The following GTF3C1 variants were observed in gnomAD, a reference collection of about 807,000 sequenced individuals.
The protein encoded by GTF3C1 is general transcription factor IIIC subunit 1.
A neutral mutation model predicts 226.7 loss-of-function variants in GTF3C1; 57 were observed. That is an observed-to-expected ratio of 0.25 (90% CI 0.20 to 0.31). GTF3C1 has a LOEUF of 0.31. Ranked by LOEUF, GTF3C1 falls within the 10% of genes least tolerant of loss-of-function variation. The pLI, the probability that GTF3C1 is intolerant of heterozygous loss-of-function variation, is 1.00. For missense variants in GTF3C1, 2,217 were observed against 2,776.1 expected (o/e 0.80, Z 4.53); for synonymous variants, 1,090 against 1,084.8 (o/e 1.00, Z -0.09).
chr16:27,465,162 T>C, intron 33 of GTF3C1, 98 bp downstream of exon 33: 6 of 1,099,578 alleles, frequency 5.5e-6, no homozygotes, highest in South Asian at 4.1e-5. Context: ...GAACGCAGCA[T>C]GCTATGCCCC....
intron 6 of GTF3C1, 102 bp downstream of exon 6, chr16:27,528,496 T>C: frequency 4.5e-6 from 4 of 896,886 alleles, no homozygotes; most frequent in South Asian, 1.5e-5. Flanking sequence ...GAAATCATTA[T>C]GCCACAAGGC....
At chr16:27,467,733 G>A (rs953233948) in intron 32 of GTF3C1, among the ~76,000 whole-genome samples, 1 of 152,116 alleles carries the variant, frequency 6.6e-6, no homozygotes, top group African/African-American at 2.4e-5. Context: ...AGCCGGGTGT[G>A]TTGGTGGGCA....
rs368898995 is a variant in GTF3C1 at position 27,470,097 on chromosome 16, C to T, written c.4814+11G>A. The T allele has an allele frequency of 5.8e-5, 94 of 1,608,196 alleles. 1 individual carries two copies. The highest frequency in any genetic ancestry group is 5.9e-5 in the Non-Finnish European group (69 of 1,175,846). On this transcript the variant is annotated intron_variant, in intron 31 of 36. Transcript: ENST00000356183. This position sits in a 1 kb window ranked among gnomAD's most constrained non-coding sequence, Gnocchi z 4.9. ...TGGCCAGACCTGATGCTGCGGATGC[C>T]GGACTCTTACCTTTTGATGACCTCA...
Position 27,518,750 on chromosome 16 carries a change from T to C in GTF3C1, c.974-6849A>G, listed in dbSNP as rs1010662301. 3.3e-5 allele frequency among the ~76,000 whole-genome samples: 5 copies of C among 152,168 alleles called. No homozygotes were observed. The East Asian group carries it at 5.8e-4, about 18-fold the overall frequency. ...CCGTCGGGCAGCATAGGAAGGACAA[T>C]GTGCTCAGGCTTCACATGCCTGGGT... On this transcript the variant is annotated intron_variant, in intron 6 of 36. Coordinates refer to ENST00000356183, the MANE Select transcript of GTF3C1 (RefSeq NM_001520.4).
chr16:27,538,030 C>G, intron 3 of GTF3C1, 103 bp from the exon 4 acceptor site: 2 of 1,388,714 alleles, frequency 1.4e-6, no homozygotes, highest in South Asian at 2.7e-5. Context: ...ACCTCCTGTC[C>G]AGCCAACCTA....
chr16:27,461,457 G>A lies in GTF3C1; in HGVS notation c.6223C>T (p.Leu2075=), dbSNP rs1226810715. Residue 2075 remains leucine (L), a synonymous_variant, in exon 37 of 37, where the codon CTG becomes TTG. Coordinates refer to ENST00000356183, the MANE Select transcript of GTF3C1 (RefSeq NM_001520.4). The surrounding 1 kb of genome is among the most constrained non-coding windows in gnomAD (Gnocchi z 5.3). ...VVEEVEVPSS[L]DESPMAFYEP... ...TAGAAAGCCATGGGGCTCTCGTCCA[G>A]GCTGGAGGGCACTTCCACCTCTTCC... 2 of 1,613,748 alleles carry A rather than the reference G, an allele frequency of 1.2e-6. No homozygotes were observed. Among genetic ancestry groups the A allele is most frequent in the African/African-American group, 2.7e-5 (2 of 74,926 alleles).
At chr16:27,517,787 C>T (rs528389596) in intron 6 of GTF3C1, among the ~76,000 whole-genome samples, 5 of 152,326 alleles carry the variant, frequency 3.3e-5, no homozygotes, top group Admixed American at 6.5e-5. Flanking sequence ...TTACTCATCA[C>T]GTGGCTTCTG....
chr16:27,526,722 G>A (rs1238415426), intron 6 of GTF3C1, among the ~76,000 whole-genome samples: 1 of 152,168 alleles, frequency 6.6e-6, no homozygotes, highest in African/African-American at 2.4e-5. Flanking sequence ...GTCATTTCCT[G>A]TCCTGTATTC....
chr16:27,537,349 A>G (rs1434031885), intron 4 of GTF3C1, among the ~76,000 whole-genome samples: 3 of 152,188 alleles, frequency 2.0e-5, no homozygotes, highest in Admixed American at 6.5e-5. Context: ...TTATTTTCAC[A>G]AAAAAACAGA....
At position 27,498,243 on chromosome 16, in the gene GTF3C1, C is replaced by T. The variant is rs2088349451; in HGVS notation, c.2165+387G>A. Among the ~76,000 whole-genome samples the T allele has an allele frequency of 2.0e-5, 3 of 152,320 alleles. 1 individual carries two copies. The highest frequency in any genetic ancestry group is 2.0e-4 in the Admixed American group (3 of 15,302). On this transcript the variant is annotated intron_variant, in intron 13 of 36. Transcript: ENST00000356183. ...CCTGTGAGAGTTTCTAGTTGAGACA[C>T]AGCTGAGAACTTTCTCCCTCCCCTG...
chr16:27,483,254 G>T, intron 25 of GTF3C1, 129 bp from the exon 26 acceptor site: 1 of 832,384 alleles, frequency 1.2e-6, no homozygotes, highest in Non-Finnish European at 2.0e-6. Context: ...TTATATGCCT[G>T]TTGCACAACT....
In GTF3C1 at chr16:27,507,214, T is replaced by A. The variant is rs1281216356; in HGVS notation, c.1243-58A>T. The A allele has an allele frequency of 2.4e-6, 3 of 1,273,762 alleles. No homozygotes were observed. The highest frequency in any genetic ancestry group is 3.3e-6 in the Non-Finnish European group (3 of 909,052). The allele number at this position is 1,273,762 out of a possible 1,614,324, so 78.9% of individuals were successfully genotyped here. On this transcript the variant is annotated intron_variant, in intron 8 of 36. Coordinates refer to ENST00000356183, the MANE Select transcript of GTF3C1 (RefSeq NM_001520.4). The surrounding 1 kb of genome is among the most constrained non-coding windows in gnomAD (Gnocchi z 4.9). ...AAAGAGGGCGTCATACCCACAGGGG[T>A]TCAGGTGGTCTGTGGCATCTATTTC...
At chr16:27,482,713 C>T (rs2088074764) in intron 26 of GTF3C1, 3 of 440,210 alleles carry the variant, frequency 6.8e-6, no homozygotes, top group Middle Eastern at 3.3e-4. Flanking sequence ...ACAGAAAACT[C>T]GGAAAGAAAA....
intron 25 of GTF3C1, chr16:27,483,354 C>T (rs232062): frequency 0.14 from 93,085 of 647,618 alleles, 7,538 homozygotes; most frequent in African/African-American, 0.2. Flanking sequence ...CTCTGAACTT[C>T]CGTCCTTCAT....
intron 1 of GTF3C1, among the ~76,000 whole-genome samples, chr16:27,546,298 A>G (rs923785034): frequency 4.6e-5 from 7 of 151,950 alleles, no homozygotes; most frequent in African/African-American, 1.2e-4. Flanking sequence ...TACAGATCCA[A>G]TGTCTTCACT....
intron 5 of GTF3C1, among the ~76,000 whole-genome samples, chr16:27,529,867 A>T (rs965484719): frequency 8.5e-5 from 13 of 152,222 alleles, no homozygotes; most frequent in African/African-American, 3.1e-4. Flanking sequence ...GTCAGTTGCC[A>T]TTTATCACCA....
intron 10 of GTF3C1, among the ~76,000 whole-genome samples, chr16:27,504,978 C>T (rs1340384736): frequency 6.6e-6 from 1 of 152,000 alleles, no homozygotes; most frequent in African/African-American, 2.4e-5. Context: ...AGCAGCAACA[C>T]CATCAAAAGC....
intron 1 of GTF3C1, among the ~76,000 whole-genome samples, chr16:27,548,943 C>T (rs1445507235): frequency 6.6e-6 from 1 of 152,180 alleles, no homozygotes; most frequent in Non-Finnish European, 1.5e-5. Flanking sequence ...TGTCTGAGGT[C>T]AGGAGTTCGC....
chr16:27,478,380 T>C lies in GTF3C1; in HGVS notation c.4259+89A>G, dbSNP rs116972865. On this transcript the variant is annotated intron_variant, in intron 28 of 36. Coordinates refer to ENST00000356183, the MANE Select transcript of GTF3C1 (RefSeq NM_001520.4). The stretch of plus-strand genomic sequence containing the variant: ...CACACAAACAGGTAGTGGGCTGGAT[T>C]TGGCCCTAGATTACCCCAGTGCAAT... The C allele has an allele frequency of 6.8e-3, 6,151 of 900,138 alleles. 33 individuals carry two copies. Among genetic ancestry groups the C allele is most frequent in the Non-Finnish European group, 9.9e-3 (5,269 of 531,508 alleles). The allele number at this position is 900,138 out of a possible 1,614,324, so 55.8% of individuals were successfully genotyped here. A position where few individuals can be genotyped will look rare whatever the true frequency, so the allele number is the denominator to read the frequency against.
Sources: gnomAD v4.1 joint callset for allele counts (sites outside exome capture counted in the v4.1 genomes callset) on GRCh38, gnomAD v4.1.1 for gene constraint, Gnocchi (gnomAD v3.1) non-coding constraint, MANE v1.5 for transcripts, NCBI Gene and HGNC (gene_info 2026-07-23, HGNC 2026-07-21) for gene names.